SPOP: variants seen among roughly 807,000 people sequenced by gnomAD.
The protein encoded by SPOP is speckle-type POZ protein.
Under a neutral mutation model 45.6 loss-of-function variants are expected in SPOP, and 11 were observed. The observed-to-expected ratio is 0.24, with a 90% CI of 0.15 to 0.40. The LOEUF (loss-of-function observed/expected upper bound fraction) is 0.40. SPOP is among the 10% of genes least tolerant of loss of function. The probability of loss-of-function intolerance (pLI) is 1.00; values close to 1 mark genes in which losing one functional copy is unlikely to be tolerated. For synonymous variants in SPOP, 166 were observed against 166.3 expected, an observed-to-expected ratio of 1.00 and a Z score of 0.01; for missense variants, 152 against 465.6, an observed-to-expected ratio of 0.33 and a Z score of 6.20.
In SPOP at chr17:49,600,544, G is replaced by A. The variant is rs1442194979; in HGVS notation, c.981-22C>T. The A allele has an allele frequency of 6.2e-7, 1 of 1,613,772 alleles. No individual in the cohort carries two copies. The highest frequency in any genetic ancestry group is 8.5e-7 in the Non-Finnish European group (1 of 1,179,910). On this transcript the variant is annotated intron_variant, in intron 9 of 9. Transcript: ENST00000504102. This position sits in a 1 kb window ranked among gnomAD's most constrained non-coding sequence, Gnocchi z 4.2. The stretch of plus-strand genomic sequence containing the variant: ...ATGACTAGGAGAAATGTGGAGAAAT[G>A]GGTTACCAAAGGGAGTGAGCAAGGG...
rs532073044 is a variant in SPOP at position 49,645,322 on chromosome 17, C to T, written c.-66-22446G>A. 7.2e-4 allele frequency among the ~76,000 whole-genome samples: 108 copies of T among 150,436 alleles called. No individual in the cohort carries two copies. In the South Asian group the frequency reaches 0.018, roughly 25 times the overall value. On this transcript the variant is annotated intron_variant, in intron 1 of 9. Transcript: ENST00000504102. ...TCTTTCCTTCTTTTTTTTTTTGAGA[C>T]GGGGTCTCCTTCTGTCACCCAGGCT... is the stretch of plus-strand genomic sequence containing the variant.
rs2071724963 is a variant in SPOP at position 49,600,772 on chromosome 17, C to T, written c.981-250G>A. On this transcript the variant is annotated intron_variant, in intron 9 of 9. Coordinates refer to ENST00000504102, the MANE Select transcript of SPOP (RefSeq NM_001007228.2). The surrounding 1 kb of genome is among the most constrained non-coding windows in gnomAD (Gnocchi z 4.2). ...TCTCAAAAACAAAAAGCAGAATGTTCCCCAGGCCCCCAACACTGCCTATGT... is the reference window on the plus strand; with the variant it reads ...TCTCAAAAACAAAAAGCAGAATGTTTCCCAGGCCCCCAACACTGCCTATGT... The T allele has an allele frequency of 1.1e-5, 5 of 468,286 alleles. No homozygotes were observed. The highest frequency in any genetic ancestry group is 2.0e-5 in the Non-Finnish European group (5 of 254,884). 29.0% of individuals were successfully genotyped at this position (468,286 alleles called of 1,614,324 possible).
chr17:49,621,790 ATGTGCCAGGCAC>A (rs538155350), intron 3 of SPOP, among the ~76,000 whole-genome samples, 144 bp downstream of exon 3: 84 of 152,348 alleles, frequency 5.5e-4, no homozygotes, highest in African/African-American at 1.8e-3. Flanking sequence ...AGTACCTATT[ATGTGCCAGGCAC>A]TGTGCTAGGC....
At chr17:49,622,389 G>A in intron 2 of SPOP, 1 of 522,054 alleles carries the variant, frequency 1.9e-6, no homozygotes, top group Non-Finnish European at 3.5e-6. Context: ...CTTAAAATGG[G>A]TCTCTGTTAT....
intron 1 of SPOP, chr17:49,667,889 G>A (rs2073083656): frequency 6.6e-6 from 1 of 152,136 alleles, no homozygotes; most frequent in Non-Finnish European, 1.5e-5. Flanking sequence ...AATATGCAAT[G>A]GAATATTATT....
chr17:49,616,554 T>G (rs1333966105), intron 5 of SPOP, among the ~76,000 whole-genome samples: 1 of 152,200 alleles, frequency 6.6e-6, no homozygotes, highest in African/African-American at 2.4e-5. Context: ...GGATAAAATG[T>G]GCACCAAAAA....
In SPOP at chr17:49,605,997, A is replaced by T. The variant is rs552720455; in HGVS notation, c.837+1253T>A. ...AAGCAAGACTCCCTTCTCAAAAAAA[A>T]AAAAATAAACAAACAAATAAATAGG... On this transcript the variant is annotated intron_variant, in intron 8 of 9. Coordinates refer to ENST00000504102, the MANE Select transcript of SPOP (RefSeq NM_001007228.2). Among the ~76,000 whole-genome samples, 5 of 152,120 alleles carry T rather than the reference A, an allele frequency of 3.3e-5. No homozygotes were observed. In the East Asian group the frequency reaches 5.8e-4, roughly 18 times the overall value.
intron 1 of SPOP, among the ~76,000 whole-genome samples, chr17:49,641,014 G>C (rs1362408887): frequency 6.6e-6 from 1 of 152,084 alleles, no homozygotes; most frequent in African/African-American, 2.4e-5. Flanking sequence ...TGTAATACCA[G>C]CACTTTGATA....
In SPOP at chr17:49,600,364, C is replaced by A. The variant is rs749487561; in HGVS notation, c.*14G>T. ...CTTCTGGAAATTAAACGGAGTCTTACAACAAGCAGGATCTTAGGATTGCTT... is the reference window on the plus strand; with the variant it reads ...CTTCTGGAAATTAAACGGAGTCTTAAAACAAGCAGGATCTTAGGATTGCTT... On this transcript the variant is annotated 3_prime_UTR_variant, in exon 10 of 10. Transcript: ENST00000504102. This position sits in a 1 kb window ranked among gnomAD's most constrained non-coding sequence, Gnocchi z 4.2. The A allele has an allele frequency of 7.4e-6, 12 of 1,613,708 alleles. No individual in the cohort carries two copies. Among genetic ancestry groups the A allele is most frequent in the Non-Finnish European group, 1.0e-5 (12 of 1,179,926 alleles).
intron 5 of SPOP, among the ~76,000 whole-genome samples, chr17:49,612,196 T>C (rs939398274): frequency 6.6e-6 from 1 of 152,198 alleles, no homozygotes; most frequent in African/African-American, 2.4e-5. Context: ...ATCTAATAAC[T>C]GAAGCCTAAA....
At chr17:49,669,152 C>T (rs1450844642) in intron 1 of SPOP, among the ~76,000 whole-genome samples, 6 of 149,734 alleles carry the variant, frequency 4.0e-5, no homozygotes, top group Admixed American at 6.7e-5. Context: ...CTGCAACCTC[C>T]GCCTCCCAGG....
At chr17:49,633,526 C>A (rs571815792) in intron 1 of SPOP, among the ~76,000 whole-genome samples, 1 of 152,096 alleles carries the variant, frequency 6.6e-6, no homozygotes, top group African/African-American at 2.4e-5. Context: ...CTTTTCCAGT[C>A]AGCAAAAAAA....
At chr17:49,666,200 G>C (rs2073055742) in intron 1 of SPOP, among the ~76,000 whole-genome samples, 1 of 151,768 alleles carries the variant, frequency 6.6e-6, no homozygotes, top group Non-Finnish European at 1.5e-5. Flanking sequence ...AAAGTTGTAG[G>C]GAACAGATGG....
intron 3 of SPOP, among the ~76,000 whole-genome samples, chr17:49,620,272 G>A (rs1261892984): frequency 2.0e-5 from 3 of 152,120 alleles, no homozygotes; most frequent in East Asian, 1.9e-4. Flanking sequence ...GATCACTTAA[G>A]TTCGAGAATG....
At chr17:49,643,801 G>A (rs1419182041) in intron 1 of SPOP, among the ~76,000 whole-genome samples, 1 of 151,974 alleles carries the variant, frequency 6.6e-6, no homozygotes, top group Non-Finnish European at 1.5e-5. Context: ...ATAATGGCAG[G>A]TGCCTGTAAT....
At chr17:49,670,159 G>A (rs1362978067) in intron 1 of SPOP, among the ~76,000 whole-genome samples, 1 of 152,208 alleles carries the variant, frequency 6.6e-6, no homozygotes, top group Non-Finnish European at 1.5e-5. Flanking sequence ...GCAACTCCTT[G>A]CCAGTTCTAT....
chr17:49,608,539 A>T (rs957949697), intron 6 of SPOP, among the ~76,000 whole-genome samples: 2 of 152,152 alleles, frequency 1.3e-5, no homozygotes, highest in African/African-American at 2.4e-5. Context: ...TACCTGATAA[A>T]ATCTTCTTCC....
At chr17:49,670,726 T>C (rs1279815312) in intron 1 of SPOP, among the ~76,000 whole-genome samples, 2 of 152,194 alleles carry the variant, frequency 1.3e-5, no homozygotes, top group East Asian at 1.9e-4. Flanking sequence ...GAGTCTACAG[T>C]ACATGACAGA....
At chr17:49,646,737 A>C (rs886853040) in intron 1 of SPOP, 1 of 152,210 alleles carries the variant, frequency 6.6e-6, no homozygotes, top group African/African-American at 2.4e-5. Context: ...ACACAGAGCA[A>C]GCAAGTATTT....
Sources: allele counts gnomAD v4.1 joint callset (sites outside exome capture counted in the v4.1 genomes callset), GRCh38; gene constraint gnomAD v4.1.1; non-coding constraint Gnocchi (gnomAD v3.1); transcripts MANE v1.5; gene names NCBI Gene and HGNC (gene_info 2026-07-23, HGNC 2026-07-21).